The following VWA8 variants were observed in gnomAD, a reference collection of about 807,000 sequenced individuals.
The protein encoded by VWA8 is von Willebrand factor A domain containing 8.
In VWA8, 221 loss-of-function variants were observed where a neutral mutation model predicts 241.5. That is an observed-to-expected ratio of 0.91 (90% CI 0.82 to 1.02). The LOEUF is 1.02. Among genes scored for constraint, VWA8 ranks in the 50% least tolerant of loss-of-function variants. The pLI, the probability that VWA8 is intolerant of heterozygous loss-of-function variation, is 0.00. For synonymous variants in VWA8, 852 were observed against 827.1 expected, an observed-to-expected ratio of 1.03 and a Z score of -0.52; for missense variants, 2,322 against 2,328.7, an observed-to-expected ratio of 1.00 and a Z score of 0.06.
chr13:41,587,786 A>G, intron 41 of VWA8, 116 bp from the exon 42 acceptor site: 1 of 1,270,052 alleles, frequency 7.9e-7, no homozygotes, highest in East Asian at 2.5e-5. Flanking sequence ...CAGACCAGCC[A>G]TAGGCTCAGC....
chr13:41,576,702 C>G (rs931909663), intron 42 of VWA8, among the ~76,000 whole-genome samples: 12 of 152,176 alleles, frequency 7.9e-5, no homozygotes, highest in African/African-American at 2.9e-4. Flanking sequence ...AGATATACAT[C>G]AGGCTACCAA....
chr13:41,889,219 G>C, intron 5 of VWA8, among the ~76,000 whole-genome samples: 1 of 152,054 alleles, frequency 6.6e-6, no homozygotes, highest in East Asian at 1.9e-4. Context: ...TTTGTGAAGG[G>C]ATCTTATCTA....
intron 5 of VWA8, among the ~76,000 whole-genome samples, chr13:41,890,350 T>A (rs1381998812): frequency 6.6e-6 from 1 of 152,166 alleles, no homozygotes; most frequent in African/African-American, 2.4e-5. Flanking sequence ...ACAGAACAGG[T>A]ATGAGACTCT....
rs1048833860 is a variant in VWA8 at position 41,865,845 on chromosome 13, G to A, written c.1348-32C>T. ...ATGGAAAAAATTATTCAAGAGGTAA[G>A]TCAAAATAACCAAAAGCCAGGAAAC... On this transcript the variant is annotated intron_variant, in intron 11 of 44. Transcript: ENST00000379310. The A allele has an allele frequency of 7.4e-6, 12 of 1,614,022 alleles. No individual in the cohort carries two copies. In the African/African-American group the frequency reaches 1.5e-4, roughly 20 times the overall value.
At chr13:41,711,660 G>A (rs540005581) in intron 26 of VWA8, among the ~76,000 whole-genome samples, 1 of 152,282 alleles carries the variant, frequency 6.6e-6, no homozygotes, top group African/African-American at 2.4e-5. Flanking sequence ...AGATCACGAG[G>A]TCAGGAGATC....
chr13:41,670,358 TG>T (rs1224702282), intron 37 of VWA8, among the ~76,000 whole-genome samples: 5 of 151,738 alleles, frequency 3.3e-5, no homozygotes, highest in African/African-American at 1.2e-4. Flanking sequence ...GAGTCATTTC[TG>T]GAGTTATCAG....
intron 5 of VWA8, among the ~76,000 whole-genome samples, chr13:41,887,589 C>A (rs1018652309): frequency 5.9e-5 from 9 of 152,088 alleles, no homozygotes; most frequent in African/African-American, 2.2e-4. Flanking sequence ...AGTTAACACA[C>A]CAAGGAATAA....
chr13:41,640,475 T>TAGACTA (rs67099070), intron 37 of VWA8, among the ~76,000 whole-genome samples: 1 of 152,130 alleles, frequency 6.6e-6, no homozygotes, highest in Admixed American at 6.5e-5. Flanking sequence ...CAAAGATGGC[T>TAGACTA]AGACTAAGAC....
chr13:41,859,077 T>C (rs1267182051), intron 12 of VWA8, among the ~76,000 whole-genome samples: 1 of 149,116 alleles, frequency 6.7e-6, no homozygotes, highest in Admixed American at 6.7e-5. Flanking sequence ...AACCTGTCTC[T>C]TAAAAAAAAA....
intron 39 of VWA8, among the ~76,000 whole-genome samples, chr13:41,609,798 C>T (rs1188950496): frequency 6.6e-6 from 1 of 152,150 alleles, no homozygotes; most frequent in African/African-American, 2.4e-5. Context: ...ACGGTATTCT[C>T]TTTTACTTCA....
Position 41,825,188 on chromosome 13 carries a change from A to G in VWA8, c.1700+5341T>C, listed in dbSNP as rs146221193. ...CACCACAGATGGCAACAAGTGTGTC[A>G]TCTTAGAGCTGGCCCTCAATAAACA... On this transcript the variant is annotated intron_variant, in intron 14 of 44. Coordinates refer to ENST00000379310, the MANE Select transcript of VWA8 (RefSeq NM_015058.2). Among the ~76,000 whole-genome samples the G allele has an allele frequency of 2.2e-3, 334 of 152,334 alleles. 4 individuals are homozygous for G. Among genetic ancestry groups the G allele is most frequent in the Non-Finnish European group, 2.0e-3 (134 of 68,034 alleles).
At chr13:41,699,339 G>A in intron 28 of VWA8, 69 bp from the exon 29 acceptor site, 1 of 1,453,656 alleles carries the variant, frequency 6.9e-7, no homozygotes, top group Admixed American at 1.7e-5. Context: ...GAGGTCTAGT[G>A]AAAACTGAAT....
At position 41,750,359 on chromosome 13, in the gene VWA8, G is replaced by A. The variant is rs530269931; in HGVS notation, c.2426+10769C>T. Among the ~76,000 whole-genome samples the A allele has an allele frequency of 3.9e-5, 6 of 152,000 alleles. No homozygotes were observed. The South Asian group carries it at 1.2e-3, about 32-fold the overall frequency. ...GAGGCAGAAGAATTGCTTGAACCCG[G>A]GAGGTGGAAGATGCAGTGAGCCGAG... On this transcript the variant is annotated intron_variant, in intron 21 of 44. Coordinates refer to ENST00000379310, the MANE Select transcript of VWA8 (RefSeq NM_015058.2).
chr13:41,628,199 A>G (rs931004206), intron 37 of VWA8, among the ~76,000 whole-genome samples: 5 of 152,206 alleles, frequency 3.3e-5, no homozygotes, highest in Non-Finnish European at 7.3e-5. Flanking sequence ...AAACAAAAAA[A>G]GTAAAAAAAT....
intron 42 of VWA8, among the ~76,000 whole-genome samples, chr13:41,581,493 C>T (rs2044383348): frequency 6.6e-6 from 1 of 152,192 alleles, no homozygotes; most frequent in African/African-American, 2.4e-5. Flanking sequence ...AAAAGCCCAG[C>T]TTATGAAACA....
intron 28 of VWA8, among the ~76,000 whole-genome samples, chr13:41,699,775 T>C (rs549331597): frequency 1.3e-5 from 2 of 152,330 alleles, no homozygotes; most frequent in South Asian, 4.1e-4. Flanking sequence ...ATTTTCCAAA[T>C]TTTTGTTCAT....
intron 37 of VWA8, among the ~76,000 whole-genome samples, chr13:41,660,682 G>A (rs1469225895): frequency 6.6e-6 from 1 of 152,100 alleles, no homozygotes; most frequent in East Asian, 1.9e-4. Context: ...ACTGAATCAC[G>A]CTGCTGCAAC....
At chr13:41,926,788 C>T (rs75477528) in intron 2 of VWA8, 9,028 of 549,476 alleles carry the variant, frequency 0.016, 147 homozygotes, top group Middle Eastern at 0.056. Context: ...TTGAGAAAGC[C>T]CTGGGGGGTA....
chr13:41,879,694 T>C lies in VWA8; in HGVS notation c.1080+3693A>G, dbSNP rs56940705. On this transcript the variant is annotated intron_variant, in intron 9 of 44. Transcript: ENST00000379310. ...AAAAAAAAAAATACCACTTAAGTAA[T>C]TAGAATCCAATGTTCCACTCTTCTA... Among the ~76,000 whole-genome samples the C allele has an allele frequency of 9.1e-3, 1,391 of 152,108 alleles. 32 individuals carry two copies. The highest frequency in any genetic ancestry group is 0.03 in the African/African-American group (1,249 of 41,514).
Sources: allele counts gnomAD v4.1 joint callset (sites outside exome capture counted in the v4.1 genomes callset), GRCh38; gene constraint gnomAD v4.1.1; transcripts MANE v1.5; gene names NCBI Gene and HGNC (gene_info 2026-07-23, HGNC 2026-07-21).